Variants in TRPC4 observed in about 807,000 individuals in gnomAD.
TRPC4 encodes transient receptor potential cation channel subfamily C member 4.
TRPC4 carries 49 observed loss-of-function variants against 99.4 expected under a neutral mutation model. The observed-to-expected ratio is 0.49, with a 90% confidence interval of 0.39 to 0.63. The LOEUF (loss-of-function observed/expected upper bound fraction) is 0.63, where lower values mean the gene tolerates loss of function less well. TRPC4 is among the 20% of genes least tolerant of loss of function. TRPC4 has a pLI of 0.00. For synonymous variants in TRPC4, 454 were observed against 425.9 expected (o/e 1.07, Z -0.81); for missense variants, 898 against 1,152.9 (o/e 0.78, Z 3.20).
chr13:37,761,877 T>C (rs1956230992), intron 2 of TRPC4, among the ~76,000 whole-genome samples: 1 of 150,026 alleles, frequency 6.7e-6, no homozygotes, highest in Non-Finnish European at 1.5e-5. Flanking sequence ...GATGTCAAGG[T>C]TTAGAATGCA....
At chr13:37,738,561 A>C (rs375452687) in intron 3 of TRPC4, among the ~76,000 whole-genome samples, 2 of 152,174 alleles carry the variant, frequency 1.3e-5, no homozygotes, top group African/African-American at 4.8e-5. Flanking sequence ...AACATCCCAG[A>C]TGTTCTGATT....
Position 37,812,197 on chromosome 13 carries a change from C to CAAAA in TRPC4, c.-27-28838_-27-28837insTTTT, listed in dbSNP as rs1156963631. 3.6e-5 allele frequency among the ~76,000 whole-genome samples: 4 copies of CAAAA among 111,256 alleles called. 1 individual carries two copies. Among genetic ancestry groups the CAAAA allele is most frequent in the Admixed American group, 2.0e-4 (2 of 10,204 alleles). The allele number at this position is 111,256 out of a possible 152,430, so 73.0% of individuals were successfully genotyped here. ...CTATCAAAAAAAAAAAAAAAAAAAC[C>CAAAA]AGGAGATCTAATTGCTTCAAGTAAA... On this transcript the variant is annotated intron_variant, in intron 1 of 10. Coordinates refer to ENST00000379705, the MANE Select transcript of TRPC4 (RefSeq NM_016179.4).
chr13:37,748,172 C>G (rs992558659), intron 2 of TRPC4, among the ~76,000 whole-genome samples: 1 of 152,134 alleles, frequency 6.6e-6, no homozygotes, highest in Non-Finnish European at 1.5e-5. Context: ...GCATTGGTAA[C>G]TGAAACTGAT....
chr13:37,677,795 T>A (rs1249179657), intron 4 of TRPC4, among the ~76,000 whole-genome samples: 8 of 152,052 alleles, frequency 5.3e-5, no homozygotes, highest in Non-Finnish European at 1.0e-4. Flanking sequence ...TGAACAACAC[T>A]ACCAACAACA....
chr13:37,754,045 C>A (rs1273376200), intron 2 of TRPC4, among the ~76,000 whole-genome samples: 2 of 152,078 alleles, frequency 1.3e-5, no homozygotes, highest in Non-Finnish European at 2.9e-5. Context: ...TTGACTGCAG[C>A]TGAGGCAATT....
intron 1 of TRPC4, among the ~76,000 whole-genome samples, chr13:37,819,706 A>G (rs1957960136): frequency 6.6e-6 from 1 of 151,956 alleles, no homozygotes; most frequent in Non-Finnish European, 1.5e-5. Flanking sequence ...GGATCAGGAA[A>G]ACAATGAATG....
chr13:37,698,167 C>CTTTT lies in TRPC4; in HGVS notation c.898-5836_898-5833dup, dbSNP rs67611413. Reference sequence around the variant, plus strand: ...TCTCAAGGTTACTCCAAGGACTAACCTTTTTTTTTTTGAGTGGGAATCTCA... The same window carrying CTTTT: ...TCTCAAGGTTACTCCAAGGACTAACCTTTTTTTTTTTTTTTGAGTGGGAATCTCA... On this transcript the variant is annotated intron_variant, in intron 3 of 10. Transcript: ENST00000379705. Among the ~76,000 whole-genome samples the CTTTT allele has an allele frequency of 1.4e-4, 6 of 42,560 alleles. 1 individual carries two copies. In the East Asian group the frequency reaches 5.9e-3, roughly 42 times the overall value. The allele number at this position is 42,560 out of a possible 152,430, so 27.9% of individuals were successfully genotyped here. A position where few individuals can be genotyped will look rare whatever the true frequency, so the allele number is the denominator to read the frequency against.
chr13:37,664,408 T>C (rs1450247262), intron 5 of TRPC4, among the ~76,000 whole-genome samples: 3 of 151,940 alleles, frequency 2.0e-5, no homozygotes, highest in Non-Finnish European at 4.4e-5. Context: ...ACCCCGTCTC[T>C]ACTAAAAATA....
chr13:37,848,141 C>A (rs1316876876), intron 1 of TRPC4, among the ~76,000 whole-genome samples: 1 of 151,962 alleles, frequency 6.6e-6, no homozygotes, highest in Admixed American at 6.6e-5. Flanking sequence ...AGCTGAGGAG[C>A]ATCTGTAATA....
At chr13:37,683,038 G>A (rs979251807) in intron 4 of TRPC4, among the ~76,000 whole-genome samples, 3 of 151,284 alleles carry the variant, frequency 2.0e-5, no homozygotes, top group Non-Finnish European at 4.4e-5. Context: ...GAGGGAGCTT[G>A]GATTACAGGC....
intron 3 of TRPC4, among the ~76,000 whole-genome samples, chr13:37,712,632 C>A: frequency 6.6e-6 from 1 of 152,118 alleles, no homozygotes; most frequent in Non-Finnish European, 1.5e-5. Flanking sequence ...ATATTATCCT[C>A]AAGAGCATGG....
chr13:37,829,691 G>T (rs550876643), intron 1 of TRPC4, among the ~76,000 whole-genome samples: 1 of 152,114 alleles, frequency 6.6e-6, no homozygotes, highest in Admixed American at 6.6e-5. Context: ...AAATTTGTAC[G>T]TGAATGTTTA....
chr13:37,843,109 T>C (rs2139647582), intron 1 of TRPC4, among the ~76,000 whole-genome samples: 1 of 152,290 alleles, frequency 6.6e-6, no homozygotes, highest in South Asian at 2.1e-4. Flanking sequence ...ATTTGTGAAG[T>C]TTGGGTTGAA....
intron 3 of TRPC4, among the ~76,000 whole-genome samples, chr13:37,737,026 C>A (rs1198357710): frequency 6.6e-6 from 1 of 151,638 alleles, no homozygotes; most frequent in Non-Finnish European, 1.5e-5. Context: ...AGCCAGCACG[C>A]CCAGCCAACT....
chr13:37,717,815 A>G (rs1361834749), intron 3 of TRPC4, among the ~76,000 whole-genome samples: 21 of 152,134 alleles, frequency 1.4e-4, no homozygotes, highest in Non-Finnish European at 1.5e-5. Flanking sequence ...GAACTAACAT[A>G]TAGACCAACC....
rs190380267 is a variant in TRPC4, at chr13:37,750,047, A to G, written c.379-3592T>C. ...AGATTTAATGGTTATCAGTATAAGTAACTTTCACACACTTTGAAAATTTTA... is the reference window on the plus strand; with the variant it reads ...AGATTTAATGGTTATCAGTATAAGTGACTTTCACACACTTTGAAAATTTTA... On this transcript the variant is annotated intron_variant, in intron 2 of 10. Transcript: ENST00000379705. 2.6e-3 allele frequency among the ~76,000 whole-genome samples: 395 copies of G among 152,256 alleles called. 1 individual carries two copies. Among genetic ancestry groups the G allele is most frequent in the African/African-American group, 9.0e-3 (373 of 41,574 alleles).
At chr13:37,792,418 G>T (rs1466822110) in intron 1 of TRPC4, among the ~76,000 whole-genome samples, 1 of 152,086 alleles carries the variant, frequency 6.6e-6, no homozygotes, top group Non-Finnish European at 1.5e-5. Flanking sequence ...TATATACGAT[G>T]TAAAAACAAG....
intron 1 of TRPC4, among the ~76,000 whole-genome samples, chr13:37,836,917 GC>G (rs1958581863): frequency 1.3e-5 from 2 of 152,168 alleles, no homozygotes; most frequent in Admixed American, 1.3e-4. Flanking sequence ...GGTTTAATGG[GC>G]CAGGCCCAGA....
chr13:37,847,100 G>C (rs1036485027), intron 1 of TRPC4, among the ~76,000 whole-genome samples: 7 of 151,726 alleles, frequency 4.6e-5, no homozygotes, highest in Admixed American at 1.3e-4. Context: ...TAATAATAGG[G>C]GGCCTCGATA....
Sources: gnomAD v4.1 joint callset for allele counts (sites outside exome capture counted in the v4.1 genomes callset) on GRCh38, gnomAD v4.1.1 for gene constraint, MANE v1.5 for transcripts, NCBI Gene and HGNC (gene_info 2026-07-23, HGNC 2026-07-21) for gene names.